The following DPP10 variants were observed in gnomAD, a reference collection of about 807,000 sequenced individuals.
DPP10 encodes inactive dipeptidyl peptidase 10.
In DPP10, 33 loss-of-function variants were observed where a neutral mutation model predicts 120.9. The ratio of observed to expected loss-of-function variants is 0.27; its 90% CI spans 0.21 to 0.37. The LOEUF (loss-of-function observed/expected upper bound fraction) is 0.37. Ranked by LOEUF, DPP10 falls within the 10% of genes least tolerant of loss-of-function variation. The probability of loss-of-function intolerance (pLI) is 1.00; values close to 1 mark genes in which losing one functional copy is unlikely to be tolerated. For synonymous variants in DPP10, 337 were observed against 326.1 expected (o/e 1.03, Z -0.36); for missense variants, 816 against 942.8 (o/e 0.87, Z 1.76).
chr2:114,564,315 A>G (rs1051833759), intron 1 of DPP10, among the ~76,000 whole-genome samples: 4 of 152,050 alleles, frequency 2.6e-5, no homozygotes, highest in African/African-American at 7.2e-5. Context: ...CCTATTTTAT[A>G]TAATTATCTA....
At chr2:114,904,477 A>G (rs921764743) in intron 1 of DPP10, among the ~76,000 whole-genome samples, 1 of 152,204 alleles carries the variant, frequency 6.6e-6, no homozygotes, top group African/African-American at 2.4e-5. Context: ...TGCTTATAGT[A>G]AAAAGCAAGA....
chr2:115,587,111 C>CTTT (rs2082340526), intron 5 of DPP10, among the ~76,000 whole-genome samples: 3 of 48,386 alleles, frequency 6.2e-5, no homozygotes, highest in Non-Finnish European at 8.6e-5. Flanking sequence ...TTTTTTTTTT[C>CTTT]TTTTGAGACG....
chr2:115,250,101 T>A (rs2058692234), intron 1 of DPP10, among the ~76,000 whole-genome samples: 1 of 152,196 alleles, frequency 6.6e-6, no homozygotes, highest in South Asian at 2.1e-4. Flanking sequence ...TTGCTCATTA[T>A]CTGCTCATTG....
intron 3 of DPP10, among the ~76,000 whole-genome samples, chr2:115,405,871 G>A (rs1181374360): frequency 6.6e-6 from 1 of 152,166 alleles, no homozygotes; most frequent in Non-Finnish European, 1.5e-5. Context: ...CACCCTTGGA[G>A]ACCTCTGGGC....
intron 1 of DPP10, among the ~76,000 whole-genome samples, chr2:114,703,776 G>A (rs1700523445): frequency 6.6e-6 from 1 of 152,144 alleles, no homozygotes; most frequent in African/African-American, 2.4e-5. Context: ...GAAACTAGAA[G>A]AGCTGCTGGG....
chr2:115,086,510 G>C (rs529052628), intron 1 of DPP10, among the ~76,000 whole-genome samples: 1 of 148,726 alleles, frequency 6.7e-6, no homozygotes, highest in South Asian at 2.1e-4. Flanking sequence ...AGGCTGGAGT[G>C]TAGTGGCGCC....
intron 1 of DPP10, among the ~76,000 whole-genome samples, chr2:115,199,774 C>T (rs2055561427): frequency 6.6e-6 from 1 of 152,138 alleles, no homozygotes; most frequent in Non-Finnish European, 1.5e-5. Context: ...TTTTTCTTCA[C>T]TGTTTTTATA....
intron 1 of DPP10, among the ~76,000 whole-genome samples, chr2:114,634,903 ATGAACT>A (rs778615505): frequency 1.7e-3 from 253 of 152,018 alleles, no homozygotes; most frequent in Non-Finnish European, 2.7e-3. Context: ...CTAAGAGTTG[ATGAACT>A]TGAACAAAAA....
At chr2:115,541,811 G>A (rs2079186884) in intron 5 of DPP10, among the ~76,000 whole-genome samples, 1 of 151,760 alleles carries the variant, frequency 6.6e-6, no homozygotes, top group Admixed American at 6.6e-5. Flanking sequence ...CATAATAGTG[G>A]GGAGAGATAA....
intron 1 of DPP10, among the ~76,000 whole-genome samples, chr2:115,291,062 A>G (rs2060633226): frequency 6.6e-6 from 1 of 152,020 alleles, no homozygotes; most frequent in Non-Finnish European, 1.5e-5. Context: ...GGAGTGCAAT[A>G]GTGTGATCAC....
intron 1 of DPP10, among the ~76,000 whole-genome samples, chr2:114,888,512 C>CA (rs537607232): frequency 4.0e-5 from 6 of 151,502 alleles, no homozygotes; most frequent in African/African-American, 9.7e-5. Context: ...TATTTAGCGG[C>CA]AAAAAAAATG....
intron 3 of DPP10, among the ~76,000 whole-genome samples, chr2:115,395,190 C>T (rs2067591575): frequency 6.6e-6 from 1 of 152,156 alleles, no homozygotes; most frequent in African/African-American, 2.4e-5. Flanking sequence ...GCCCTCTGAG[C>T]CTGTCTTCTT....
At chr2:115,831,708 G>C (rs1688946005) in intron 21 of DPP10, among the ~76,000 whole-genome samples, 1 of 152,166 alleles carries the variant, frequency 6.6e-6, no homozygotes, top group Non-Finnish European at 1.5e-5. Context: ...ATTGAATTTA[G>C]TTTCCTACAT....
intron 1 of DPP10, among the ~76,000 whole-genome samples, chr2:115,151,654 G>T (rs1007105914): frequency 6.6e-6 from 1 of 151,250 alleles, no homozygotes; most frequent in Non-Finnish European, 1.5e-5. Flanking sequence ...TGATCCACCC[G>T]CCTCGGCTTC....
chr2:115,483,479 C>CTCTGTATG (rs3980957), intron 3 of DPP10, among the ~76,000 whole-genome samples: 2 of 144,174 alleles, frequency 1.4e-5, no homozygotes, highest in South Asian at 4.7e-4. Context: ...ATCTATCTAT[C>CTCTGTATG]TGTATGTGTA....
intron 1 of DPP10, among the ~76,000 whole-genome samples, chr2:115,131,632 A>C (rs996362424): frequency 1.3e-5 from 2 of 152,224 alleles, no homozygotes; most frequent in South Asian, 4.1e-4. Flanking sequence ...ACATGCTTTC[A>C]AATCCATCTG....
chr2:115,241,490 A>T (rs1310799748), intron 1 of DPP10, among the ~76,000 whole-genome samples: 1 of 152,194 alleles, frequency 6.6e-6, no homozygotes, highest in Non-Finnish European at 1.5e-5. Flanking sequence ...ATAAAGCAGT[A>T]TGCACTTATT....
At chr2:115,655,999 G>A (rs2088284576) in intron 5 of DPP10, among the ~76,000 whole-genome samples, 4 of 151,348 alleles carry the variant, frequency 2.6e-5, no homozygotes, top group Non-Finnish European at 5.9e-5. Context: ...TTTTTCAATG[G>A]GTATAAAGTT....
chr2:115,072,859 T>C (rs796620135), intron 1 of DPP10, among the ~76,000 whole-genome samples: 2 of 152,278 alleles, frequency 1.3e-5, no homozygotes, highest in African/African-American at 4.8e-5. Context: ...CTCAGCTCAC[T>C]GCATCCTCCA....
Sources: allele counts gnomAD v4.1 joint callset (sites outside exome capture counted in the v4.1 genomes callset), GRCh38; gene constraint gnomAD v4.1.1; transcripts MANE v1.5; gene names NCBI Gene and HGNC (gene_info 2026-07-23, HGNC 2026-07-21).